Variants in SEPTIN8 observed in about 807,000 individuals in gnomAD.
The protein encoded by SEPTIN8 is septin 8.
In SEPTIN8, 22 loss-of-function variants were observed where a neutral mutation model predicts 53.1. The observed-to-expected ratio is 0.41, with a 90% CI of 0.30 to 0.59. The LOEUF (loss-of-function observed/expected upper bound fraction) is 0.59, where lower values mean the gene tolerates loss of function less well. Among genes scored for constraint, SEPTIN8 ranks in the 20% least tolerant of loss-of-function variants. The pLI is 0.24. For synonymous variants in SEPTIN8, 228 were observed against 248.4 expected, an observed-to-expected ratio of 0.92 and a Z score of 0.77; for missense variants, 536 against 638.7, an observed-to-expected ratio of 0.84 and a Z score of 1.73.
rs1755902275 is a variant in SEPTIN8, at chr5:132,761,177, TG to T, written c.1050del (p.Asn350LysfsTer3). 1 of 1,614,138 alleles carries T rather than the reference TG, an allele frequency of 6.2e-7. No individual in the cohort carries two copies. Among genetic ancestry groups the T allele is most frequent in the African/African-American group, 1.3e-5 (1 of 74,940 alleles). On this transcript the variant is annotated frameshift_variant, in exon 8 of 10. Transcript: ENST00000378719. LOFTEE classifies it high-confidence loss of function. This position sits in a 1 kb window ranked among gnomAD's most constrained non-coding sequence, Gnocchi z 5.8. ...KEEEMRQMFV[N>X]KVKETELELK... ...AGCTCCAGCTCTGTCTCCTTCACTT[TG>T]TTGACAAACATCTGCCTCATCTCTT...
intron 1 of SEPTIN8, among the ~76,000 whole-genome samples, chr5:132,770,089 G>GTATA (rs201065841): frequency 1.0e-4 from 3 of 29,174 alleles, no homozygotes; most frequent in Non-Finnish European, 1.5e-4. Flanking sequence ...ATGTATATAT[G>GTATA]TATATATATA....
chr5:132,761,068 C>T lies in SEPTIN8; in HGVS notation c.1095+65G>A. Reference sequence around the variant, plus strand: ...GCCTGGGCCAGGAAGGCACCCCCACCTCTACCCTCAGCCAGGCCTTCCCTC... The same window carrying T: ...GCCTGGGCCAGGAAGGCACCCCCACTTCTACCCTCAGCCAGGCCTTCCCTC... On this transcript the variant is annotated intron_variant, in intron 8 of 9. Coordinates refer to ENST00000378719, the MANE Select transcript of SEPTIN8 (RefSeq NM_001098811.2). The surrounding 1 kb of genome is among the most constrained non-coding windows in gnomAD (Gnocchi z 5.8). The T allele has an allele frequency of 6.2e-7, 1 of 1,609,222 alleles. No individual in the cohort carries two copies. Among genetic ancestry groups the T allele is most frequent in the Non-Finnish European group, 8.5e-7 (1 of 1,177,256 alleles).
chr5:132,773,601 C>A lies in SEPTIN8; in HGVS notation c.30+3507G>T, dbSNP rs930198161. On this transcript the variant is annotated intron_variant, in intron 1 of 9. Coordinates refer to ENST00000378719, the MANE Select transcript of SEPTIN8 (RefSeq NM_001098811.2). This position sits in a 1 kb window ranked among gnomAD's most constrained non-coding sequence, Gnocchi z 4.2. ...GTCTGCATCCTCACCCAACCTTGGG[C>A]TGTTGGCATCAACAAGATAATGCGC... 1.3e-5 allele frequency among the ~76,000 whole-genome samples: 2 copies of A among 152,254 alleles called. No individual in the cohort carries two copies. Among genetic ancestry groups the A allele is most frequent in the Non-Finnish European group, 2.9e-5 (2 of 68,040 alleles).
chr5:132,770,069 ATATATATATATGTATATATG>A (rs1757105451), intron 1 of SEPTIN8, among the ~76,000 whole-genome samples: 1 of 64,880 alleles, frequency 1.5e-5, no homozygotes, highest in Non-Finnish European at 2.2e-5. Flanking sequence ...GTGTGTATAT[ATATATATATATGTATATATG>A]TATATATATA....
At chr5:132,752,814 C>A in intron 9 of SEPTIN8, 2 of 1,524,986 alleles carry the variant, frequency 1.3e-6, no homozygotes, top group Non-Finnish European at 1.8e-6. Context: ...TTGCCAATTT[C>A]TTAGAATGTA....
upstream of SEPTIN8, among the ~76,000 whole-genome samples, chr5:132,779,239 A>G (rs1757997582): frequency 6.6e-6 from 1 of 152,250 alleles, no homozygotes; most frequent in African/African-American, 2.4e-5. Flanking sequence ...AGGTGAATAT[A>G]ACGATCATTT....
At chr5:132,758,957 A>G (rs780510763) in intron 9 of SEPTIN8, 15 of 852,474 alleles carry the variant, frequency 1.8e-5, no homozygotes, top group Non-Finnish European at 2.8e-5. Context: ...TGTGACGAGC[A>G]AAGCAGAGAA....
intron 9 of SEPTIN8, chr5:132,754,119 T>C: frequency 2.8e-6 from 1 of 362,768 alleles, no homozygotes; most frequent in Non-Finnish European, 5.1e-6. Context: ...TTGACACACT[T>C]TTGCTTGTTG....
intron 1 of SEPTIN8, among the ~76,000 whole-genome samples, chr5:132,766,027 T>C (rs933951025): frequency 6.6e-6 from 1 of 152,116 alleles, no homozygotes; most frequent in African/African-American, 2.4e-5. Context: ...TCCAAACCCC[T>C]CACAAGCATG....
intron 3 of SEPTIN8, 140 bp downstream of exon 3, chr5:132,764,084 G>T: frequency 1.0e-6 from 1 of 1,000,336 alleles, no homozygotes; most frequent in Non-Finnish European, 1.4e-6. Flanking sequence ...TAACTGGTCT[G>T]TTGGTGACCA....
At chr5:132,777,693 G>C (rs926290456), upstream of SEPTIN8, 24 of 985,462 alleles carry the variant, frequency 2.4e-5, no homozygotes, top group Non-Finnish European at 2.9e-5. The surrounding 1 kb of genome is among the most constrained non-coding windows in gnomAD (Gnocchi z 4.1). Flanking sequence ...TGGACAAGCT[G>C]CGGGAGACCC....
At chr5:132,763,513 G>C (rs1054990749) in intron 4 of SEPTIN8, among the ~76,000 whole-genome samples, 193 bp downstream of exon 4, 5 of 152,108 alleles carry the variant, frequency 3.3e-5, no homozygotes, top group African/African-American at 1.2e-4. Flanking sequence ...TGGAGAATGA[G>C]CCCAGAGCAT....
chr5:132,756,378 C>G (rs1289190624), intron 9 of SEPTIN8: 1 of 984,532 alleles, frequency 1.0e-6, no homozygotes, highest in Non-Finnish European at 1.2e-6. Context: ...ATTTGGGCAA[C>G]GAATTATATG....
In SEPTIN8 at chr5:132,759,946, C is replaced by A. The variant is rs575417346; in HGVS notation, c.1286+856G>T. Among the ~76,000 whole-genome samples the A allele has an allele frequency of 4.6e-5, 7 of 152,302 alleles. No individual in the cohort carries two copies. In the East Asian group the frequency reaches 1.4e-3, roughly 30 times the overall value. On this transcript the variant is annotated intron_variant, in intron 9 of 9. Coordinates refer to ENST00000378719, the MANE Select transcript of SEPTIN8 (RefSeq NM_001098811.2). ...TCATAGTTGTCCCCACCTGACTACT[C>A]CGTTGACTGCACTCCTGGTGCTGGG...
At chr5:132,757,785 A>G (rs1755479366) in intron 9 of SEPTIN8, 1 of 985,458 alleles carries the variant, frequency 1.0e-6, no homozygotes, top group African/African-American at 1.7e-5. Context: ...GTTCCCCTTT[A>G]GAGTGCAGCT....
upstream of SEPTIN8, among the ~76,000 whole-genome samples, chr5:132,779,297 C>T (rs1042628164): frequency 6.6e-6 from 1 of 152,144 alleles, no homozygotes; most frequent in Non-Finnish European, 1.5e-5. Flanking sequence ...CTGAGTGTTT[C>T]GTATACACCT....
At position 132,751,236 on chromosome 5, in the gene SEPTIN8, C is replaced by T. The variant is rs529639535; in HGVS notation, c.*780G>A. 2.2e-4 allele frequency: 94 copies of T among 434,420 alleles called. 1 individual carries two copies. The South Asian group carries it at 3.8e-3, about 17-fold the overall frequency. The allele number at this position is 434,420 out of a possible 1,614,324, so 26.9% of individuals were successfully genotyped here. ...AATTAACTTTACAAAGATTTTTAGA[C>T]GGCACTATTATGGTGAGTTTCTCTT... On this transcript the variant is annotated 3_prime_UTR_variant, in exon 10 of 10. Coordinates refer to ENST00000378719, the MANE Select transcript of SEPTIN8 (RefSeq NM_001098811.2).
intron 9 of SEPTIN8, chr5:132,758,477 G>A: frequency 6.2e-7 from 1 of 1,609,944 alleles, no homozygotes. Context: ...TAGCATCCCG[G>A]CTGGGGCCTT....
intron 9 of SEPTIN8, chr5:132,755,984 A>C (rs1755293153): frequency 1.0e-6 from 1 of 985,220 alleles, no homozygotes; most frequent in Non-Finnish European, 1.2e-6. Flanking sequence ...GCTACTGCCC[A>C]AAAAAGACAC....
Sources: gnomAD v4.1 joint callset for allele counts (sites outside exome capture counted in the v4.1 genomes callset) on GRCh38, gnomAD v4.1.1 for gene constraint, Gnocchi (gnomAD v3.1) non-coding constraint, MANE v1.5 for transcripts, NCBI Gene and HGNC (gene_info 2026-07-23, HGNC 2026-07-21) for gene names.